RIOK3: variants seen among roughly 807,000 people sequenced by gnomAD.
The protein encoded by RIOK3 is RIO kinase 3, also known as serine/threonine-protein kinase RIO3.
Under a neutral mutation model 63.5 loss-of-function variants are expected in RIOK3, and 40 were observed. The observed-to-expected ratio is 0.63, with a 90% CI of 0.49 to 0.82. The LOEUF (loss-of-function observed/expected upper bound fraction) is 0.82. Ranked by LOEUF, RIOK3 falls within the 40% of genes least tolerant of loss-of-function variation. The pLI is 0.00. For missense variants in RIOK3, 557 were observed against 637.0 expected (o/e 0.87, Z 1.35); for synonymous variants, 193 against 205.0 (o/e 0.94, Z 0.50).
chr18:23,466,595 T>C (rs2057409611), intron 6 of RIOK3, among the ~76,000 whole-genome samples: 1 of 140,048 alleles, frequency 7.1e-6, no homozygotes, highest in Non-Finnish European at 1.5e-5. Flanking sequence ...GGGGCTGAGG[T>C]GGGAGGATTG....
intron 2 of RIOK3, chr18:23,463,368 A>G (rs2057384010): frequency 4.7e-6 from 1 of 211,774 alleles, no homozygotes; most frequent in Non-Finnish European, 9.1e-6. Context: ...ATGAATATGT[A>G]TCTATTCTTT....
rs954791238 is a variant in RIOK3, at chr18:23,453,564, C to G, written c.63+62C>G. ...CACACGGGCTGGATCTCTCGGAAAG[C>G]TCGGAGAGGGCGGCTTCGTGGGCGA... On this transcript the variant is annotated intron_variant, in intron 1 of 12. Transcript: ENST00000339486. 2.2e-6 allele frequency: 3 copies of G among 1,390,946 alleles called. No individual in the cohort carries two copies. In the African/African-American group the frequency reaches 4.2e-5, roughly 20 times the overall value. 86.2% of individuals were successfully genotyped at this position (1,390,946 alleles called of 1,614,324 possible).
intron 7 of RIOK3, among the ~76,000 whole-genome samples, chr18:23,472,226 C>G (rs1188094152): frequency 1.4e-5 from 2 of 143,032 alleles, no homozygotes; most frequent in East Asian, 4.3e-4. Context: ...AAGTGAGACT[C>G]TGTCTCAAAA....
chr18:23,458,830 C>T (rs1415608624), intron 1 of RIOK3, among the ~76,000 whole-genome samples: 3 of 152,204 alleles, frequency 2.0e-5, no homozygotes, highest in Non-Finnish European at 4.4e-5. Context: ...ACCCCAGAAG[C>T]TGTCCGTCTC....
chr18:23,464,019 C>T lies in RIOK3; in HGVS notation c.232C>T (p.Leu78Phe). ...TGENIDTSSDLMLAQMLQMEY... is the reference protein window; with the variant it reads ...TGENIDTSSDFMLAQMLQMEY... Reference sequence around the variant, plus strand: ...AGAAAACATTGATACTTCCAGTGACCTTATGCTGGCTCAGATGCTACAGAT... The same window carrying T: ...AGAAAACATTGATACTTCCAGTGACTTTATGCTGGCTCAGATGCTACAGAT... The change falls in exon 3 of 13, where the codon CTT (leucine) becomes TTT (phenylalanine). Residue 78 changes from leucine (L) to phenylalanine (F), a missense_variant. Leu to Phe is a conservative substitution (Grantham distance 22). Coordinates refer to ENST00000339486, the MANE Select transcript of RIOK3 (RefSeq NM_003831.5). 6.2e-7 allele frequency: 1 copy of T among 1,613,074 alleles called. No homozygotes were observed. Among genetic ancestry groups the T allele is most frequent in the South Asian group, 1.1e-5 (1 of 90,962 alleles).
intron 2 of RIOK3, chr18:23,463,297 A>G: frequency 2.5e-6 from 1 of 394,908 alleles, no homozygotes; most frequent in Non-Finnish European, 4.5e-6. Flanking sequence ...ATATCGCGTT[A>G]ATGCTGCAGT....
chr18:23,467,577 C>T, intron 7 of RIOK3, 51 bp downstream of exon 7: 1 of 1,547,232 alleles, frequency 6.5e-7, no homozygotes. Context: ...TCTCTTCTCC[C>T]CAAGATTAAT....
intron 8 of RIOK3, among the ~76,000 whole-genome samples, chr18:23,473,917 T>TA (rs968013023): frequency 3.9e-5 from 6 of 152,152 alleles, no homozygotes; most frequent in African/African-American, 1.4e-4. Context: ...AGGCTTAGCA[T>TA]AAAAAAATGG....
rs2057516116 is a variant in RIOK3 at position 23,479,368 on chromosome 18, A to G, written c.1396A>G (p.Asn466Asp). The change falls in exon 12 of 13, where the codon AAT becomes GAT. Residue 466 changes from asparagine (N) to aspartate (D), a missense_variant. Coordinates refer to ENST00000339486, the MANE Select transcript of RIOK3 (RefSeq NM_003831.5). ...KEALSERELF[N>D]AVSGLNITAD... ...AGCCCTTAGTGAACGAGAACTCTTC[A>G]ATGCTGTTTCAGGCTTAAACATCAC... is the stretch of plus-strand genomic sequence containing the variant. 1 of 1,614,004 alleles carries G rather than the reference A, an allele frequency of 6.2e-7. No homozygotes were observed. Among genetic ancestry groups the G allele is most frequent in the Non-Finnish European group, 8.5e-7 (1 of 1,179,896 alleles).
intron 7 of RIOK3, among the ~76,000 whole-genome samples, chr18:23,470,014 G>A (rs1292362527): frequency 1.3e-5 from 2 of 152,134 alleles, no homozygotes; most frequent in Non-Finnish European, 2.9e-5. Flanking sequence ...ATATGGGATA[G>A]GAATAGCGAA....
chr18:23,477,583 G>C (rs1341716279), intron 11 of RIOK3, among the ~76,000 whole-genome samples: 1 of 151,672 alleles, frequency 6.6e-6, no homozygotes, highest in Non-Finnish European at 1.5e-5. Flanking sequence ...GGCCAACATG[G>C]TGAAACCCCA....
At chr18:23,478,686 G>A (rs951745472) in intron 11 of RIOK3, among the ~76,000 whole-genome samples, 5 of 118,726 alleles carry the variant, frequency 4.2e-5, no homozygotes, top group Admixed American at 3.5e-4. Context: ...ACAGGGTTGG[G>A]TCACACTTGT....
At chr18:23,479,267 A>G (rs1453755065) in intron 11 of RIOK3, 50 bp from the exon 12 acceptor site, 2 of 1,205,832 alleles carry the variant, frequency 1.7e-6, no homozygotes, top group South Asian at 1.2e-5. Context: ...TTAGTTTATA[A>G]GAGAACATTG....
At chr18:23,468,278 A>T (rs1038209388) in intron 7 of RIOK3, among the ~76,000 whole-genome samples, 6 of 127,116 alleles carry the variant, frequency 4.7e-5, no homozygotes, top group Non-Finnish European at 6.7e-5. Flanking sequence ...ATTTTCTGTT[A>T]TACTCAATAT....
Position 23,477,181 on chromosome 18 carries a change from C to A in RIOK3, c.1257C>A (p.Val419=). Residue 419 remains valine (V), a splice_region_variant and synonymous_variant, in exon 11 of 13, where the codon GTC becomes GTA. Transcript: ENST00000339486. ...EYNMLWHAGK[V]WLIDVSQSVE... is the part of the protein sequence containing the mutation. ...GTTCATGTTCTGTATTGAAATAGGT[C>A]TGGTTGATCGATGTCAGTCAGTCAG... The A allele has an allele frequency of 6.2e-7, 1 of 1,613,878 alleles. No homozygotes were observed. The highest frequency in any genetic ancestry group is 8.5e-7 in the Non-Finnish European group (1 of 1,179,814).
intron 11 of RIOK3, among the ~76,000 whole-genome samples, chr18:23,478,536 G>A (rs1451722333): frequency 7.2e-6 from 1 of 138,728 alleles, no homozygotes; most frequent in South Asian, 2.3e-4. Flanking sequence ...AGATTATAGC[G>A]AGCTGTGATT....
At chr18:23,465,634 T>C (rs1448206975) in intron 5 of RIOK3, among the ~76,000 whole-genome samples, 2 of 152,192 alleles carry the variant, frequency 1.3e-5, no homozygotes, top group African/African-American at 4.8e-5. Context: ...GGTGGTATAA[T>C]AGAGGAACTG....
At chr18:23,471,266 C>T (rs2057454654) in intron 7 of RIOK3, among the ~76,000 whole-genome samples, 2 of 152,222 alleles carry the variant, frequency 1.3e-5, no homozygotes, top group Non-Finnish European at 1.5e-5. Flanking sequence ...ATGTGAGTGA[C>T]ACATCTAAGA....
At position 23,453,506 on chromosome 18, in the gene RIOK3, A is replaced by C; in HGVS notation, c.63+4A>C. 4 of 1,610,714 alleles carry C rather than the reference A, an allele frequency of 2.5e-6. No individual in the cohort carries two copies. The highest frequency in any genetic ancestry group is 3.4e-6 in the Non-Finnish European group (4 of 1,177,108). On this transcript the variant is annotated splice_donor_region_variant and intron_variant, in intron 1 of 12. Coordinates refer to ENST00000339486, the MANE Select transcript of RIOK3 (RefSeq NM_003831.5). ...AGCGGCCTGGGGACCCAGCAAGGTA[A>C]GTGGCAGACGAGACTGGAGTACTAG...
Sources: gnomAD v4.1 joint callset for allele counts (sites outside exome capture counted in the v4.1 genomes callset) on GRCh38, gnomAD v4.1.1 for gene constraint, MANE v1.5 for transcripts, NCBI Gene and HGNC (gene_info 2026-07-23, HGNC 2026-07-21) for gene names.